The following COL25A1 variants were observed in gnomAD, a reference collection of about 807,000 sequenced individuals.
COL25A1 encodes the protein collagen type XXV alpha 1 chain, also known as collagen alpha-1(XXV) chain.
Under a neutral mutation model 128.4 loss-of-function variants are expected in COL25A1, and 103 were observed. The ratio of observed to expected loss-of-function variants is 0.80; its 90% CI spans 0.68 to 0.94. The LOEUF (loss-of-function observed/expected upper bound fraction) is 0.94, where lower values mean the gene tolerates loss of function less well. Among genes scored for constraint, COL25A1 ranks in the 40% least tolerant of loss-of-function variants. The pLI is 0.00. For missense variants in COL25A1, 745 were observed against 840.0 expected (o/e 0.89, Z 1.40); for synonymous variants, 279 against 277.2 (o/e 1.01, Z -0.06).
At chr4:108,879,003 C>A (rs761038696) in intron 19 of COL25A1, among the ~76,000 whole-genome samples, 1 of 152,094 alleles carries the variant, frequency 6.6e-6, no homozygotes, top group Non-Finnish European at 1.5e-5. Context: ...AGAAGTTTTT[C>A]TCTGCTATTT....
chr4:109,302,037 T>C lies in COL25A1; in HGVS notation c.-18A>G. 6.4e-7 allele frequency: 1 copy of C among 1,564,582 alleles called. No individual in the cohort carries two copies. The highest frequency in any genetic ancestry group is 8.6e-7 in the Non-Finnish European group (1 of 1,160,970). On this transcript the variant is annotated 5_prime_UTR_variant, in exon 2 of 38. Transcript: ENST00000399132. ...AGCAGCATCGTGGCGGGGTCGGCCG[T>C]CTCGGCTTCGCTTCCCACCCTCTAC... is the stretch of plus-strand genomic sequence containing the variant.
At chr4:109,274,291 C>G (rs986914024) in intron 3 of COL25A1, among the ~76,000 whole-genome samples, 6 of 152,100 alleles carry the variant, frequency 3.9e-5, no homozygotes, top group Non-Finnish European at 8.8e-5. Flanking sequence ...GTACAAATTA[C>G]TTTCATCACA....
intron 2 of COL25A1, among the ~76,000 whole-genome samples, chr4:109,301,060 CTCCCG>C (rs1725473185): frequency 6.6e-6 from 1 of 152,122 alleles, no homozygotes; most frequent in African/African-American, 2.4e-5. Flanking sequence ...GCCAAATAGG[CTCCCG>C]GCTAGGGTAA....
At chr4:109,069,132 A>G (rs876366) in intron 3 of COL25A1, among the ~76,000 whole-genome samples, 11,959 of 151,008 alleles carry the variant, frequency 0.079, 809 homozygotes, top group Admixed American at 0.23. Flanking sequence ...AACTTTAAAA[A>G]TTTTTTTTTG....
intron 19 of COL25A1, among the ~76,000 whole-genome samples, chr4:108,881,478 AAAGCATAAAGAAACAC>A (rs1367229515): frequency 6.6e-6 from 1 of 152,214 alleles, no homozygotes; most frequent in Non-Finnish European, 1.5e-5. Flanking sequence ...AAGCATTTCC[AAAGCATAAAGAAACAC>A]ACAGGTCTAG....
Position 108,884,227 on chromosome 4 carries a change from A to G in COL25A1, c.976-5T>C, listed in dbSNP as rs1264764405. ...CCCAGGAAGCCCTGGTTCACCCTAC[A>G]CAGGAAAATCATATAGCATTATAGA... On this transcript the variant is annotated splice_polypyrimidine_tract_variant and splice_region_variant and intron_variant, in intron 18 of 37. Coordinates refer to ENST00000399132, the MANE Select transcript of COL25A1 (RefSeq NM_198721.4). The G allele has an allele frequency of 6.2e-7, 1 of 1,612,898 alleles. No individual in the cohort carries two copies. The highest frequency in any genetic ancestry group is 8.5e-7 in the Non-Finnish European group (1 of 1,179,110).
chr4:108,893,758 C>T (rs114684871), intron 16 of COL25A1, among the ~76,000 whole-genome samples: 1 of 152,186 alleles, frequency 6.6e-6, no homozygotes, highest in African/African-American at 2.4e-5. Flanking sequence ...ACATACTGAA[C>T]ACAAAGGCCA....
At position 108,977,862 on chromosome 4, in the gene COL25A1, A is replaced by G. The variant is rs552410392; in HGVS notation, c.439-3303T>C. On this transcript the variant is annotated intron_variant, in intron 6 of 37. Transcript: ENST00000399132. ...CAACTGTTACTATAGACACCTCCCC[A>G]GCCTCCATATCCACCCCCTTCCCAG... is the stretch of plus-strand genomic sequence containing the variant. 3.3e-5 allele frequency among the ~76,000 whole-genome samples: 5 copies of G among 152,308 alleles called. No homozygotes were observed. In the East Asian group the frequency reaches 9.6e-4, roughly 29 times the overall value.
intron 6 of COL25A1, among the ~76,000 whole-genome samples, chr4:108,987,996 C>A (rs6811886): frequency 0.8 from 120,940 of 152,050 alleles, 49,270 homozygotes; most frequent in East Asian, 1. Context: ...TTCTTAATAA[C>A]ATACCAGGGC....
At chr4:109,147,017 T>C (rs1771007656) in intron 3 of COL25A1, among the ~76,000 whole-genome samples, 1 of 152,156 alleles carries the variant, frequency 6.6e-6, no homozygotes, top group Non-Finnish European at 1.5e-5. Flanking sequence ...CAAAACTGTG[T>C]GGACCTAGGG....
intron 8 of COL25A1, among the ~76,000 whole-genome samples, chr4:108,958,833 C>T (rs1750353598): frequency 1.3e-5 from 2 of 151,992 alleles, no homozygotes; most frequent in Admixed American, 1.3e-4. Context: ...TTAAACTATA[C>T]TAATTTTAAT....
intron 36 of COL25A1, among the ~76,000 whole-genome samples, chr4:108,818,999 C>A (rs368639101): frequency 2.6e-5 from 4 of 151,864 alleles, no homozygotes; most frequent in African/African-American, 9.7e-5. Context: ...AAATTAATAT[C>A]CCAAAGAACA....
intron 16 of COL25A1, among the ~76,000 whole-genome samples, chr4:108,890,385 C>T (rs1741345905): frequency 6.6e-6 from 1 of 152,130 alleles, no homozygotes; most frequent in African/African-American, 2.4e-5. Context: ...GTGAGGGGGA[C>T]ACATGTGAGC....
At chr4:109,261,063 A>G (rs970572410) in intron 3 of COL25A1, among the ~76,000 whole-genome samples, 4 of 152,230 alleles carry the variant, frequency 2.6e-5, no homozygotes, top group Admixed American at 6.5e-5. Flanking sequence ...AAACCATAGA[A>G]GTGCTTAAGC....
chr4:109,040,642 C>T (rs78521857), intron 5 of COL25A1, among the ~76,000 whole-genome samples: 2,403 of 152,196 alleles, frequency 0.016, 66 homozygotes, highest in African/African-American at 0.055. Context: ...TTAGGCAGAC[C>T]GCCCTAGGAA....
At chr4:109,220,623 T>C (rs1248865089) in intron 3 of COL25A1, among the ~76,000 whole-genome samples, 1 of 152,218 alleles carries the variant, frequency 6.6e-6, no homozygotes, top group Non-Finnish European at 1.5e-5. Flanking sequence ...CATATAGAAA[T>C]GTATTTTGCT....
At chr4:109,158,301 A>G (rs1049444227) in intron 3 of COL25A1, among the ~76,000 whole-genome samples, 1 of 151,896 alleles carries the variant, frequency 6.6e-6, no homozygotes, top group African/African-American at 2.4e-5. Flanking sequence ...TGTGAATGCC[A>G]ATGTTTTAAA....
chr4:108,841,774 C>T (rs1434521960), intron 30 of COL25A1, 53 bp from the exon 31 acceptor site: 1 of 1,359,768 alleles, frequency 7.4e-7, no homozygotes, highest in Non-Finnish European at 1.1e-6. Flanking sequence ...TGTTTCCCAG[C>T]AAGAGTGAAT....
chr4:109,069,427 T>C (rs1762732618), intron 3 of COL25A1, among the ~76,000 whole-genome samples: 1 of 152,132 alleles, frequency 6.6e-6, no homozygotes, highest in Admixed American at 6.6e-5. Flanking sequence ...CTGCCCAGGC[T>C]GGTCTCAAAC....
Sources: gnomAD v4.1 joint callset for allele counts (sites outside exome capture counted in the v4.1 genomes callset) on GRCh38, gnomAD v4.1.1 for gene constraint, MANE v1.5 for transcripts, NCBI Gene and HGNC (gene_info 2026-07-23, HGNC 2026-07-21) for gene names.